Variants in ITGAM observed in about 807,000 individuals in gnomAD.
ITGAM encodes integrin alpha-M.
In ITGAM, 79 loss-of-function variants were observed where a neutral mutation model predicts 137.5. The observed-to-expected ratio is 0.57, with a 90% CI of 0.48 to 0.69. ITGAM has a LOEUF of 0.69. Among genes scored for constraint, ITGAM ranks in the 30% least tolerant of loss-of-function variants. ITGAM has a pLI of 0.00. For missense variants in ITGAM, 1,343 were observed against 1,483.5 expected (o/e 0.91, Z 1.56); for synonymous variants, 583 against 592.3 (o/e 0.98, Z 0.23).
Position 31,275,684 on chromosome 16 carries a change from A to T in ITGAM, c.994A>T (p.Ile332Phe). Residue 332 changes from isoleucine to phenylalanine, a missense_variant, in exon 9 of 30, where the codon ATC becomes TTC. Physicochemically the swap from Ile to Phe is conservative, Grantham distance 21. Transcript: ENST00000544665. ...CATTCAGAACCAGCTTCGGGAGAAG[A>T]TCTTTGCGATCGAGGGTGAGTCAGG... ...KTIQNQLREK[I>F]FAIEGTQTGS... is the part of the protein sequence containing the mutation. 6.2e-7 allele frequency: 1 copy of T among 1,613,818 alleles called. No homozygotes were observed. The highest frequency in any genetic ancestry group is 8.5e-7 in the Non-Finnish European group (1 of 1,179,818).
chr16:31,331,972 T>TGTGC lies in ITGAM; in HGVS notation c.*269_*272dup, dbSNP rs2080593281. On this transcript the variant is annotated 3_prime_UTR_variant, in exon 30 of 30. Coordinates refer to ENST00000544665, the MANE Select transcript of ITGAM (RefSeq NM_000632.4). The stretch of plus-strand genomic sequence containing the variant: ...AAGTATGTGAGTGTGTCCAAGTGTG[T>TGTGC]GTGCGTGTGTCCATGTGTGTGCAAG... The TGTGC allele has an allele frequency of 1.9e-6, 1 of 526,790 alleles. No individual in the cohort carries two copies. Among genetic ancestry groups the TGTGC allele is most frequent in the South Asian group, 2.4e-5 (1 of 41,484 alleles). 32.6% of individuals were successfully genotyped at this position (526,790 alleles called of 1,614,324 possible).
At chr16:31,331,530 C>CCCGGGGGG in intron 29 of ITGAM, 106 bp from the exon 30 acceptor site, 1 of 661,462 alleles carries the variant, frequency 1.5e-6, no homozygotes, top group Non-Finnish European at 2.7e-6. Context: ...CCCCGCCCTC[C>CCCGGGGGG]TGGGTCCCTT....
chr16:31,328,057 C>A, intron 22 of ITGAM, 90 bp from the exon 23 acceptor site: 1 of 972,148 alleles, frequency 1.0e-6, no homozygotes, highest in African/African-American at 1.6e-5. Context: ...AACTTGGTGG[C>A]TGATTGGAGG....
At chr16:31,329,472 G>A (rs1466965081) in intron 24 of ITGAM, among the ~76,000 whole-genome samples, 169 bp downstream of exon 24, 1 of 152,132 alleles carries the variant, frequency 6.6e-6, no homozygotes, top group African/African-American at 2.4e-5. Flanking sequence ...GTATGTATGT[G>A]ACATGCACGC....
chr16:31,320,326 A>G (rs1402124929), intron 14 of ITGAM, among the ~76,000 whole-genome samples: 2 of 152,202 alleles, frequency 1.3e-5, no homozygotes, highest in East Asian at 1.9e-4. Flanking sequence ...AATTTTAGCT[A>G]TAGTTATTTT....
chr16:31,268,369 G>C (rs572121901), intron 5 of ITGAM, among the ~76,000 whole-genome samples: 1 of 152,188 alleles, frequency 6.6e-6, no homozygotes, highest in Non-Finnish European at 1.5e-5. Context: ...CATACACTTG[G>C]TTCAAAATTC....
chr16:31,262,334 T>C (rs1425225652), intron 2 of ITGAM, among the ~76,000 whole-genome samples: 1 of 66,818 alleles, frequency 1.5e-5, no homozygotes, highest in African/African-American at 8.6e-5. Context: ...TTCCCTCCCT[T>C]CCATCCTTCC....
rs869206231 is a variant in ITGAM, at chr16:31,270,699, GTATATATATATATATATATATATA to G, written c.428-233_428-210del. ...TGACTAATTTTTAACGTGTGTGTGT[GTATATATATATATATATATATATA>G]TATATATATATATATATATATGTTT... On this transcript the variant is annotated intron_variant, in intron 5 of 29. Coordinates refer to ENST00000544665, the MANE Select transcript of ITGAM (RefSeq NM_000632.4). 6.6e-3 allele frequency among the ~76,000 whole-genome samples: 172 copies of G among 26,018 alleles called. 7 individuals carry two copies. The East Asian group carries it at 0.1, about 15-fold the overall frequency. 17.1% of individuals were successfully genotyped at this position (26,018 alleles called of 152,430 possible).
At chr16:31,317,816 A>T (rs1225409285) in intron 14 of ITGAM, among the ~76,000 whole-genome samples, 1 of 152,096 alleles carries the variant, frequency 6.6e-6, no homozygotes, top group African/African-American at 2.4e-5. Flanking sequence ...TCAGTTTGCT[A>T]GTATTTTATT....
At chr16:31,314,888 A>C (rs1422604636) in intron 14 of ITGAM, among the ~76,000 whole-genome samples, 1 of 149,558 alleles carries the variant, frequency 6.7e-6, no homozygotes, top group East Asian at 1.9e-4. Flanking sequence ...AGTAGCGTGA[A>C]CTGCAACCTC....
chr16:31,300,732 A>G (rs9928372), intron 14 of ITGAM, among the ~76,000 whole-genome samples: 38,289 of 152,024 alleles, frequency 0.25, 7,928 homozygotes, highest in African/African-American at 0.57. Flanking sequence ...CCAACAGGGT[A>G]AAACTTCATC....
At chr16:31,330,646 G>A (rs986645203) in intron 28 of ITGAM, 41 bp downstream of exon 28, 1 of 1,426,268 alleles carries the variant, frequency 7.0e-7, no homozygotes, top group Non-Finnish European at 9.6e-7. Context: ...GAGGGAGAGG[G>A]GCTGCGCTTG....
intron 12 of ITGAM, 115 bp from the exon 13 acceptor site, chr16:31,297,399 C>T: frequency 7.5e-7 from 1 of 1,328,012 alleles, no homozygotes; most frequent in Non-Finnish European, 1.1e-6. Flanking sequence ...TATAGAAGAT[C>T]ACATCTGCTC....
At chr16:31,327,902 C>T in intron 22 of ITGAM, 1 of 512,026 alleles carries the variant, frequency 2.0e-6, no homozygotes, top group Non-Finnish European at 3.6e-6. Context: ...TTCAGGAGGG[C>T]TGGCGATTGG....
intron 12 of ITGAM, among the ~76,000 whole-genome samples, chr16:31,292,236 TA>T (rs1325481899): frequency 1.3e-5 from 2 of 152,076 alleles, no homozygotes; most frequent in African/African-American, 4.8e-5. Flanking sequence ...TTATTTAATT[TA>T]AAAAAATTAG....
intron 12 of ITGAM, among the ~76,000 whole-genome samples, chr16:31,294,051 A>T (rs1212971307): frequency 6.6e-6 from 1 of 152,138 alleles, no homozygotes; most frequent in African/African-American, 2.4e-5. Context: ...GTTGGTGTAT[A>T]GGAGTGCTAG....
chr16:31,273,406 C>A lies in ITGAM; in HGVS notation c.746C>A (p.Ala249Asp). 2 of 1,613,760 alleles carry A rather than the reference C, an allele frequency of 1.2e-6. No individual in the cohort carries two copies. The highest frequency in any genetic ancestry group is 1.7e-6 in the Non-Finnish European group (2 of 1,179,802). ...FNITNGARKN[A>D]FKILVVITDG... Reference sequence around the variant, plus strand: ...ATCACCAACGGAGCCCGAAAGAATGCCTTTAAGATCCTAGTTGTCATCACG... The same window carrying A: ...ATCACCAACGGAGCCCGAAAGAATGACTTTAAGATCCTAGTTGTCATCACG... Residue 249 changes from alanine to aspartate, a missense_variant, in exon 8 of 30, where the codon GCC becomes GAC. Transcript: ENST00000544665.
At chr16:31,327,725 G>GTTA (rs1314588137) in intron 22 of ITGAM, among the ~76,000 whole-genome samples, 1 of 152,216 alleles carries the variant, frequency 6.6e-6, no homozygotes, top group African/African-American at 2.4e-5. Context: ...GGGACGGGAA[G>GTTA]ATCAGGGTGT....
chr16:31,305,594 T>C (rs908854049), intron 14 of ITGAM, among the ~76,000 whole-genome samples: 4 of 152,208 alleles, frequency 2.6e-5, no homozygotes, highest in Non-Finnish European at 4.4e-5. Flanking sequence ...GCTGTGCTTT[T>C]GTCAGATAAT....
Sources: gnomAD v4.1 joint callset for allele counts (sites outside exome capture counted in the v4.1 genomes callset) on GRCh38, gnomAD v4.1.1 for gene constraint, MANE v1.5 for transcripts, NCBI Gene and HGNC (gene_info 2026-07-23, HGNC 2026-07-21) for gene names.